Variants in TRAPPC9 observed in about 807,000 individuals in gnomAD.
The protein encoded by TRAPPC9 is IKK2 binding protein.
TRAPPC9 carries 83 observed loss-of-function variants against 124.0 expected under a neutral mutation model. The observed-to-expected ratio is 0.67, with a 90% CI of 0.56 to 0.80. TRAPPC9 has a LOEUF of 0.80. TRAPPC9 is among the 30% of genes least tolerant of loss of function. The pLI, the probability that TRAPPC9 is intolerant of heterozygous loss-of-function variation, is 0.00. For missense variants in TRAPPC9, 1,302 were observed against 1,508.3 expected, an observed-to-expected ratio of 0.86 and a Z score of 2.27; for synonymous variants, 638 against 617.5, an observed-to-expected ratio of 1.03 and a Z score of -0.49.
At chr8:140,078,987 G>A (rs1046185866) in intron 17 of TRAPPC9, among the ~76,000 whole-genome samples, 6 of 152,104 alleles carry the variant, frequency 3.9e-5, no homozygotes, top group Non-Finnish European at 7.4e-5. Context: ...ATTCCCATGG[G>A]AATTATGTCA....
intron 17 of TRAPPC9, among the ~76,000 whole-genome samples, chr8:140,094,282 CA>C (rs1358457298): frequency 6.6e-6 from 1 of 152,220 alleles, no homozygotes; most frequent in Non-Finnish European, 1.5e-5. Flanking sequence ...CCCAGGAGTA[CA>C]AAAGGGTGGT....
In TRAPPC9 at chr8:140,216,353, C is replaced by T. The variant is rs2063194102; in HGVS notation, c.2556+5106G>A. The stretch of plus-strand genomic sequence containing the variant: ...AAGAAAAACAGCACATTCACCCTTG[C>T]AACACTCAATTGAAGAAAACAAAAT... On this transcript the variant is annotated intron_variant, in intron 17 of 22. Coordinates refer to ENST00000438773, the MANE Select transcript of TRAPPC9 (RefSeq NM_001160372.4). The surrounding 1 kb of genome is among the most constrained non-coding windows in gnomAD (Gnocchi z 4.1). Among the ~76,000 whole-genome samples the T allele has an allele frequency of 6.6e-6, 1 of 152,182 alleles. No homozygotes were observed. Among genetic ancestry groups the T allele is most frequent in the African/African-American group, 2.4e-5 (1 of 41,448 alleles).
chr8:140,136,870 A>G (rs2061313005), intron 17 of TRAPPC9, among the ~76,000 whole-genome samples: 1 of 152,194 alleles, frequency 6.6e-6, no homozygotes, highest in South Asian at 2.1e-4. Flanking sequence ...GGACAGGACC[A>G]GAGACATGAG....
intron 17 of TRAPPC9, among the ~76,000 whole-genome samples, chr8:140,186,551 G>A (rs552820936): frequency 1.3e-5 from 2 of 152,100 alleles, no homozygotes; most frequent in Admixed American, 6.5e-5. Context: ...CTAGGCGACA[G>A]AGCGAGAGTC....
intron 21 of TRAPPC9, among the ~76,000 whole-genome samples, chr8:139,821,928 T>C: frequency 6.6e-6 from 1 of 152,250 alleles, no homozygotes; most frequent in East Asian, 1.9e-4. Flanking sequence ...GCTCGGCTAT[T>C]GGCTGGGCCT....
At chr8:140,007,447 C>T (rs978932082) in intron 18 of TRAPPC9, among the ~76,000 whole-genome samples, 7 of 152,146 alleles carry the variant, frequency 4.6e-5, no homozygotes, top group African/African-American at 1.7e-4. Context: ...TCCAAATTCA[C>T]AAGAAATTAT....
At chr8:139,951,005 C>T (rs1834606616) in intron 19 of TRAPPC9, among the ~76,000 whole-genome samples, 1 of 152,192 alleles carries the variant, frequency 6.6e-6, no homozygotes, top group African/African-American at 2.4e-5. Context: ...GAGTGCCTCA[C>T]CTGCTCACGG....
chr8:140,350,886 T>C (rs1339588512), intron 9 of TRAPPC9, among the ~76,000 whole-genome samples: 1 of 151,618 alleles, frequency 6.6e-6, no homozygotes, highest in East Asian at 2.0e-4. Context: ...CAAAACAGGA[T>C]CTGATTTGCA....
chr8:140,036,318 C>A (rs953302680), intron 17 of TRAPPC9, among the ~76,000 whole-genome samples: 2 of 151,624 alleles, frequency 1.3e-5, no homozygotes, highest in Non-Finnish European at 2.9e-5. Flanking sequence ...GAAGTCACTG[C>A]CAGGTGAAGA....
At chr8:140,245,094 G>A (rs899113009) in intron 16 of TRAPPC9, among the ~76,000 whole-genome samples, 12 of 152,056 alleles carry the variant, frequency 7.9e-5, no homozygotes, top group Admixed American at 3.3e-4. Context: ...ACGAGCCACC[G>A]CGCCTGGCCT....
chr8:140,124,053 T>C (rs908669286), intron 17 of TRAPPC9, among the ~76,000 whole-genome samples: 1 of 152,228 alleles, frequency 6.6e-6, no homozygotes, highest in Admixed American at 6.5e-5. Flanking sequence ...AAAAGAAAGA[T>C]GGCCATAGCC....
intron 3 of TRAPPC9, among the ~76,000 whole-genome samples, 164 bp from the exon 4 acceptor site, chr8:140,435,404 C>G (rs1283536803): frequency 6.6e-6 from 1 of 152,224 alleles, no homozygotes; most frequent in Non-Finnish European, 1.5e-5. Context: ...AAACAAAGAT[C>G]AAACCTAAAG....
chr8:140,380,654 CAAAAAAAAAAAAA>C (rs563391017), intron 7 of TRAPPC9, among the ~76,000 whole-genome samples: 4,747 of 49,052 alleles, frequency 0.097, 235 homozygotes, highest in African/African-American at 0.2. Flanking sequence ...GACTCTGTCT[CAAAAAAAAAAAAA>C]AAAAAAAAAA....
intron 19 of TRAPPC9, among the ~76,000 whole-genome samples, chr8:139,983,328 G>A (rs1045945824): frequency 6.6e-6 from 1 of 152,100 alleles, no homozygotes. Context: ...TTGTTTATAA[G>A]CCACCCAGTC....
At chr8:140,067,299 A>G (rs1842938634) in intron 17 of TRAPPC9, among the ~76,000 whole-genome samples, 1 of 152,076 alleles carries the variant, frequency 6.6e-6, no homozygotes, top group African/African-American at 2.4e-5. Context: ...GTGTGCCACC[A>G]AACCCAGCTA....
intron 17 of TRAPPC9, among the ~76,000 whole-genome samples, chr8:140,134,268 T>C (rs1313834327): frequency 3.3e-5 from 3 of 92,066 alleles, no homozygotes; most frequent in Admixed American, 1.3e-4. Flanking sequence ...GATTGTCTTC[T>C]TTTTTTTTTC....
At chr8:140,295,158 C>G (rs1357279488) in intron 11 of TRAPPC9, among the ~76,000 whole-genome samples, 1 of 152,182 alleles carries the variant, frequency 6.6e-6, no homozygotes, top group African/African-American at 2.4e-5. Context: ...TCTCTTTCTG[C>G]TAAACTGTAT....
At chr8:140,053,550 T>C (rs1012255167) in intron 17 of TRAPPC9, among the ~76,000 whole-genome samples, 1 of 152,234 alleles carries the variant, frequency 6.6e-6, no homozygotes, top group Non-Finnish European at 1.5e-5. Flanking sequence ...TTGGGTGGGA[T>C]GTTCTGTGTA....
At chr8:140,074,952 A>C (rs995712323) in intron 17 of TRAPPC9, among the ~76,000 whole-genome samples, 3 of 152,060 alleles carry the variant, frequency 2.0e-5, no homozygotes, top group African/African-American at 7.2e-5. Context: ...ATTGCTACCC[A>C]ATTTTTTTAG....
Sources: gnomAD v4.1 joint callset for allele counts (sites outside exome capture counted in the v4.1 genomes callset) on GRCh38, gnomAD v4.1.1 for gene constraint, Gnocchi (gnomAD v3.1) non-coding constraint, MANE v1.5 for transcripts, NCBI Gene and HGNC (gene_info 2026-07-23, HGNC 2026-07-21) for gene names.